The following CSGALNACT1 variants were observed in gnomAD, a reference collection of about 807,000 sequenced individuals.
The protein encoded by CSGALNACT1 is chondroitin sulfate N-acetylgalactosaminyltransferase 1.
Under a neutral mutation model 51.0 loss-of-function variants are expected in CSGALNACT1, and 52 were observed. The ratio of observed to expected loss-of-function variants is 1.02; its 90% CI spans 0.82 to 1.29. The LOEUF (loss-of-function observed/expected upper bound fraction) is 1.29. Among genes scored for constraint, CSGALNACT1 ranks in the 50% most tolerant of loss-of-function variants. CSGALNACT1 has a pLI of 0.00. For missense variants in CSGALNACT1, 935 were observed against 679.2 expected (o/e 1.38, Z -4.19); for synonymous variants, 341 against 254.4 (o/e 1.34, Z -3.24).
intron 1 of CSGALNACT1, among the ~76,000 whole-genome samples, chr8:19,719,035 T>C (rs1181206512): frequency 6.6e-6 from 1 of 152,188 alleles, no homozygotes; most frequent in Admixed American, 6.5e-5. Flanking sequence ...AACAGAGTCT[T>C]TCCCTCCACC....
intron 3 of CSGALNACT1, chr8:19,532,065 A>G (rs1344620378): frequency 6.6e-6 from 1 of 152,070 alleles, no homozygotes; most frequent in Non-Finnish European, 1.5e-5. Context: ...CATGAATGCC[A>G]TGGTGTACTG....
rs60746708 is a variant in CSGALNACT1, at chr8:19,407,905, TTGTGTGTGTG to T, written c.1309+698_1309+707del. 3.0e-3 allele frequency among the ~76,000 whole-genome samples: 341 copies of T among 112,768 alleles called. 2 individuals carry two copies. Among genetic ancestry groups the T allele is most frequent in the African/African-American group, 3.7e-3 (119 of 31,756 alleles). The allele number at this position is 112,768 out of a possible 152,430, so 74.0% of individuals were successfully genotyped here. On this transcript the variant is annotated intron_variant, in intron 9 of 9. Coordinates refer to ENST00000454498, the Ensembl canonical transcript of CSGALNACT1. ...GCATGTGGACATTTGTGTATATGAA[TTGTGTGTGTG>T]TGTGTGTGTGTGTGTGTGTGTGTGT...
At chr8:19,622,173 C>T (rs1421660154) in intron 1 of CSGALNACT1, among the ~76,000 whole-genome samples, 2 of 152,210 alleles carry the variant, frequency 1.3e-5, no homozygotes, top group African/African-American at 2.4e-5. Flanking sequence ...ATTTACAAAA[C>T]TTCTCAATGT....
intron 2 of CSGALNACT1, among the ~76,000 whole-genome samples, chr8:19,596,248 T>C (rs1424998846): frequency 1.3e-5 from 2 of 152,152 alleles, no homozygotes; most frequent in African/African-American, 4.8e-5. Context: ...ATGTGTCAGC[T>C]GAACATTCTG....
intron 8 of CSGALNACT1, among the ~76,000 whole-genome samples, chr8:19,414,472 T>C (rs905048722): frequency 6.6e-6 from 1 of 152,196 alleles, no homozygotes; most frequent in Middle Eastern, 3.2e-3. Context: ...CACCAGCAAG[T>C]TTTATCTCAT....
chr8:19,691,401 A>G (rs1589539257), intron 1 of CSGALNACT1, among the ~76,000 whole-genome samples: 2 of 152,320 alleles, frequency 1.3e-5, no homozygotes, highest in East Asian at 1.9e-4. Flanking sequence ...AATACCACTA[A>G]TCAAACAGGG....
At chr8:19,411,155 A>G (rs557726921) in intron 8 of CSGALNACT1, among the ~76,000 whole-genome samples, 1 of 152,154 alleles carries the variant, frequency 6.6e-6, no homozygotes, top group Admixed American at 6.5e-5. Context: ...ACACACCACT[A>G]AGCTGTGCTC....
intron 1 of CSGALNACT1, among the ~76,000 whole-genome samples, chr8:19,677,865 T>A (rs1422638071): frequency 1.3e-5 from 2 of 152,154 alleles, no homozygotes; most frequent in Non-Finnish European, 2.9e-5. Flanking sequence ...CACAGATGAC[T>A]GCAATTTTCA....
At chr8:19,557,212 A>G (rs1264974934) in intron 3 of CSGALNACT1, among the ~76,000 whole-genome samples, 2 of 152,124 alleles carry the variant, frequency 1.3e-5, no homozygotes, top group Non-Finnish European at 2.9e-5. Context: ...CATCCTACCC[A>G]GAATCTCCTG....
intron 1 of CSGALNACT1, among the ~76,000 whole-genome samples, chr8:19,741,560 CAAAAAAA>C (rs71545567): frequency 9.2e-6 from 1 of 108,824 alleles, no homozygotes; most frequent in Non-Finnish European, 1.9e-5. Context: ...GAGACTCCAT[CAAAAAAA>C]AAAAAAAAAA....
chr8:19,507,597 G>C (rs1322448500), intron 3 of CSGALNACT1, among the ~76,000 whole-genome samples: 1 of 149,840 alleles, frequency 6.7e-6, no homozygotes, highest in Non-Finnish European at 1.5e-5. Flanking sequence ...CTTGTCTAGG[G>C]ACATTTTAAT....
At chr8:19,604,046 G>A (rs75639391), upstream of CSGALNACT1, among the ~76,000 whole-genome samples, 2 of 152,208 alleles carry the variant, frequency 1.3e-5, no homozygotes, top group Admixed American at 1.3e-4. Flanking sequence ...TTCCAGTGAA[G>A]GTACTTATTA....
intron 4 of CSGALNACT1, among the ~76,000 whole-genome samples, chr8:19,480,633 C>G (rs1443452958): frequency 6.6e-6 from 1 of 152,156 alleles, no homozygotes; most frequent in Non-Finnish European, 1.5e-5. Context: ...GTATTTTAAA[C>G]AAACCTAGCA....
chr8:19,740,426 T>A lies in CSGALNACT1; in HGVS notation c.-297+17424A>T, dbSNP rs560360943. Among the ~76,000 whole-genome samples the A allele has an allele frequency of 2.6e-5, 4 of 152,332 alleles. 1 individual carries two copies. In the East Asian group the frequency reaches 7.7e-4, roughly 29 times the overall value. ...CACCCCCACAACCCTTCCTCCAGGA[T>A]GAAAGGACAGTGACGGGCGCACAGC... On this transcript the variant is annotated intron_variant, in intron 1 of 1. Transcript: ENST00000517494.
At chr8:19,712,047 A>T (rs1406208169) in intron 1 of CSGALNACT1, among the ~76,000 whole-genome samples, 1 of 151,928 alleles carries the variant, frequency 6.6e-6, no homozygotes, top group Admixed American at 6.6e-5. Context: ...TTCTTTTGAG[A>T]CAGAGTCTCG....
chr8:19,637,453 T>C (rs573659111), intron 1 of CSGALNACT1, among the ~76,000 whole-genome samples: 191 of 152,360 alleles, frequency 1.3e-3, no homozygotes, highest in African/African-American at 3.8e-3. Context: ...TGTATGATAA[T>C]GTCATAAGCC....
chr8:19,603,128 A>G (rs1588959354), upstream of CSGALNACT1, among the ~76,000 whole-genome samples: 2 of 151,216 alleles, frequency 1.3e-5, no homozygotes, highest in South Asian at 4.2e-4. Context: ...AAAAAAAAAA[A>G]AAAGTAGAAA....
chr8:19,450,478 G>T (rs574443541), intron 5 of CSGALNACT1, among the ~76,000 whole-genome samples: 1 of 152,084 alleles, frequency 6.6e-6, no homozygotes, highest in East Asian at 1.9e-4. Context: ...CAAGGGAGGC[G>T]GGTGGGGCAT....
chr8:19,489,929 C>T lies in CSGALNACT1; in HGVS notation c.634+15272G>A, dbSNP rs117720586. On this transcript the variant is annotated intron_variant, in intron 4 of 9. Coordinates refer to ENST00000454498, the Ensembl canonical transcript of CSGALNACT1. The stretch of plus-strand genomic sequence containing the variant: ...GCCCTGTGTGTTCTAACCAAAGTCT[C>T]CTTCTACACCTTGAATGGTACCAAG... 1.2e-3 allele frequency among the ~76,000 whole-genome samples: 182 copies of T among 152,252 alleles called. 4 individuals carry two copies. In the East Asian group the frequency reaches 0.03, roughly 25 times the overall value.
Sources: allele counts gnomAD v4.1 joint callset (sites outside exome capture counted in the v4.1 genomes callset), GRCh38; gene constraint gnomAD v4.1.1; transcripts MANE v1.5; gene names NCBI Gene and HGNC (gene_info 2026-07-23, HGNC 2026-07-21).